Variants in DOCK4 observed in about 807,000 individuals in gnomAD.
DOCK4 encodes dedicator of cytokinesis protein 4.
In DOCK4, 97 loss-of-function variants were observed where a neutral mutation model predicts 268.1. That is an observed-to-expected ratio of 0.36 (90% CI 0.31 to 0.43). The LOEUF (loss-of-function observed/expected upper bound fraction) is 0.43, where lower values mean the gene tolerates loss of function less well. DOCK4 is among the 20% of genes least tolerant of loss of function. The pLI, the probability that DOCK4 is intolerant of heterozygous loss-of-function variation, is 1.00. For synonymous variants in DOCK4, 954 were observed against 887.2 expected, an observed-to-expected ratio of 1.08 and a Z score of -1.34; for missense variants, 2,145 against 2,455.7, an observed-to-expected ratio of 0.87 and a Z score of 2.67.
At chr7:111,942,493 T>A (rs542531292) in intron 10 of DOCK4, among the ~76,000 whole-genome samples, 9 of 152,192 alleles carry the variant, frequency 5.9e-5, no homozygotes, top group Non-Finnish European at 1.0e-4. Flanking sequence ...AAAGTTTAAC[T>A]TCCTGGTTCT....
chr7:111,935,904 G>A (rs1434928262), intron 11 of DOCK4, among the ~76,000 whole-genome samples: 2 of 152,114 alleles, frequency 1.3e-5, no homozygotes, highest in Non-Finnish European at 2.9e-5. Flanking sequence ...AGAAATCTCA[G>A]AGAACAATGT....
intron 23 of DOCK4, among the ~76,000 whole-genome samples, chr7:111,847,573 TG>T (rs1162517974): frequency 6.6e-6 from 1 of 152,140 alleles, no homozygotes; most frequent in African/African-American, 2.4e-5. Flanking sequence ...GGGAGGGACT[TG>T]GTGGGAGATA....
chr7:112,194,221 A>G (rs966333715), intron 1 of DOCK4, among the ~76,000 whole-genome samples: 7 of 152,234 alleles, frequency 4.6e-5, no homozygotes, highest in Non-Finnish European at 8.8e-5. Context: ...TCTGTCCTGC[A>G]CAAATTATCC....
chr7:112,111,346 G>T (rs1161320459), intron 1 of DOCK4, among the ~76,000 whole-genome samples: 1 of 151,662 alleles, frequency 6.6e-6, no homozygotes, highest in Non-Finnish European at 1.5e-5. Flanking sequence ...GAAGGCCTCA[G>T]TTCTCATTAT....
intron 37 of DOCK4, among the ~76,000 whole-genome samples, chr7:111,768,583 T>C (rs1797912160): frequency 6.7e-6 from 1 of 148,990 alleles, no homozygotes; most frequent in African/African-American, 2.6e-5. Context: ...GCGGTCAGAT[T>C]CATGAATTTT....
intron 25 of DOCK4, among the ~76,000 whole-genome samples, chr7:111,843,061 A>T (rs1803820741): frequency 6.6e-6 from 1 of 152,244 alleles, no homozygotes; most frequent in South Asian, 2.1e-4. Flanking sequence ...TGAAAAAGAC[A>T]ATCAATAGAT....
intron 11 of DOCK4, among the ~76,000 whole-genome samples, chr7:111,938,578 G>A (rs558158551): frequency 6.6e-6 from 1 of 152,160 alleles, no homozygotes; most frequent in East Asian, 1.9e-4. Context: ...CGGTGGTGTG[G>A]GCCAAACCCA....
At chr7:112,170,080 A>C (rs1817951200) in intron 1 of DOCK4, among the ~76,000 whole-genome samples, 1 of 150,666 alleles carries the variant, frequency 6.6e-6, no homozygotes, top group Non-Finnish European at 1.5e-5. Context: ...AGGCTGCAAA[A>C]AGCAGCAAAC....
At chr7:111,976,243 T>G (rs1798178808) in intron 8 of DOCK4, among the ~76,000 whole-genome samples, 2 of 113,930 alleles carry the variant, frequency 1.8e-5, no homozygotes, top group Non-Finnish European at 3.6e-5. Flanking sequence ...TATATATATG[T>G]GTATATATAT....
rs75651410 is a variant in DOCK4 at position 111,932,786 on chromosome 7, G to C, written c.1066+2754C>G. Among the ~76,000 whole-genome samples the C allele has an allele frequency of 6.9e-3, 1,046 of 152,090 alleles. 15 individuals are homozygous for C. Among genetic ancestry groups the C allele is most frequent in the African/African-American group, 0.024 (985 of 41,476 alleles). Reference sequence around the variant, plus strand: ...ACAATTACAGCACATCTCAATTCTAGTGGTATACTAGGTTCATGTCTAATT... The same window carrying C: ...ACAATTACAGCACATCTCAATTCTACTGGTATACTAGGTTCATGTCTAATT... On this transcript the variant is annotated intron_variant, in intron 12 of 52. Transcript: ENST00000428084.
At chr7:111,983,787 A>T (rs1434816988) in intron 7 of DOCK4, among the ~76,000 whole-genome samples, 1 of 151,756 alleles carries the variant, frequency 6.6e-6, no homozygotes, top group East Asian at 1.9e-4. Context: ...TTGAAGACTA[A>T]GGAGGAGACC....
intron 1 of DOCK4, among the ~76,000 whole-genome samples, chr7:112,032,295 T>G (rs1228180214): frequency 6.6e-6 from 1 of 152,224 alleles, no homozygotes; most frequent in African/African-American, 2.4e-5. Flanking sequence ...CTGTGCCATC[T>G]TCAACTAAAA....
At chr7:112,078,539 C>G (rs1808286612) in intron 1 of DOCK4, among the ~76,000 whole-genome samples, 1 of 152,138 alleles carries the variant, frequency 6.6e-6, no homozygotes, top group Non-Finnish European at 1.5e-5. Context: ...GGCAGGATCA[C>G]TGTGGAATAT....
intron 13 of DOCK4, among the ~76,000 whole-genome samples, chr7:111,904,577 C>T (rs1791405325): frequency 6.6e-6 from 1 of 152,074 alleles, no homozygotes; most frequent in Non-Finnish European, 1.5e-5. Flanking sequence ...GTCCCCAAGG[C>T]CTGTTTAGCT....
intron 23 of DOCK4, among the ~76,000 whole-genome samples, chr7:111,859,636 C>T (rs113639976): frequency 1.3e-4 from 19 of 142,516 alleles, no homozygotes; most frequent in South Asian, 4.5e-4. Flanking sequence ...GGCGGGATCT[C>T]GGCTCACTGC....
intron 1 of DOCK4, among the ~76,000 whole-genome samples, chr7:112,164,208 G>A (rs936197048): frequency 2.0e-5 from 3 of 152,010 alleles, no homozygotes; most frequent in Non-Finnish European, 4.4e-5. Context: ...AAGTTTGAAG[G>A]TGTAGTGAGC....
intron 11 of DOCK4, 147 bp downstream of exon 11, chr7:111,939,963 A>G (rs1795071309): frequency 1.0e-5 from 8 of 777,142 alleles, no homozygotes; most frequent in Non-Finnish European, 1.4e-5. Context: ...CTCACTTGCA[A>G]CAAGTCTACA....
At chr7:111,737,183 GAA>G (rs1795562200) in intron 49 of DOCK4, among the ~76,000 whole-genome samples, 194 bp from the exon 50 acceptor site, 1 of 152,166 alleles carries the variant, frequency 6.6e-6, no homozygotes, top group Admixed American at 6.5e-5. Context: ...TTTTGAGAAA[GAA>G]AAGAGTGTTG....
At chr7:111,944,091 C>T (rs1317590344) in intron 10 of DOCK4, among the ~76,000 whole-genome samples, 2 of 152,104 alleles carry the variant, frequency 1.3e-5, no homozygotes, top group African/African-American at 4.8e-5. Context: ...CCATAAAATG[C>T]CTGTTTTTAG....
Sources: gnomAD v4.1 joint callset for allele counts (sites outside exome capture counted in the v4.1 genomes callset) on GRCh38, gnomAD v4.1.1 for gene constraint, MANE v1.5 for transcripts, NCBI Gene and HGNC (gene_info 2026-07-23, HGNC 2026-07-21) for gene names.